RAD51B: variants seen among roughly 807,000 people sequenced by gnomAD.
RAD51B encodes the protein DNA repair protein RAD51 homolog 2.
A neutral mutation model predicts 42.2 loss-of-function variants in RAD51B; 38 were observed. The observed-to-expected ratio is 0.90, with a 90% CI of 0.70 to 1.18. The LOEUF (loss-of-function observed/expected upper bound fraction) is 1.18. RAD51B is among the 50% of genes most tolerant of loss of function. The pLI, the probability that RAD51B is intolerant of heterozygous loss-of-function variation, is 0.00. For synonymous variants in RAD51B, 154 were observed against 145.2 expected (o/e 1.06, Z -0.43); for missense variants, 373 against 400.7 (o/e 0.93, Z 0.59).
At chr14:68,289,814 T>C (rs897321616) in intron 7 of RAD51B, among the ~76,000 whole-genome samples, 5 of 152,172 alleles carry the variant, frequency 3.3e-5, no homozygotes, top group African/African-American at 7.2e-5. Flanking sequence ...GCCACTTTAA[T>C]TGAAGACATA....
In RAD51B at chr14:68,430,656, G is replaced by A. The variant is rs922434049; in HGVS notation, c.957+19129G>A. On this transcript the variant is annotated intron_variant, in intron 9 of 10. Coordinates refer to ENST00000471583, the MANE Select transcript of RAD51B (RefSeq NM_133510.4). ...GCTTAAGGAGATTTTAGGCTGAGAC[G>A]ATGGGGTTTTCTACATATACAATCA... Among the ~76,000 whole-genome samples, 33 of 152,292 alleles carry A rather than the reference G, an allele frequency of 2.2e-4. 1 individual carries two copies. Among genetic ancestry groups the A allele is most frequent in the Admixed American group, 1.7e-3 (26 of 15,302 alleles).
intron 7 of RAD51B, among the ~76,000 whole-genome samples, chr14:68,005,125 C>T (rs2140318947): frequency 1.4e-5 from 2 of 142,422 alleles, no homozygotes; most frequent in East Asian, 4.2e-4. Flanking sequence ...CAGATCTCAG[C>T]TCACTGCAAC....
intron 10 of RAD51B, among the ~76,000 whole-genome samples, chr14:68,635,709 C>T: frequency 6.6e-6 from 1 of 152,164 alleles, no homozygotes; most frequent in South Asian, 2.1e-4. Context: ...TTCTGACTAG[C>T]CACATTTCAA....
At chr14:68,166,280 T>G (rs2078749522) in intron 7 of RAD51B, among the ~76,000 whole-genome samples, 1 of 151,526 alleles carries the variant, frequency 6.6e-6, no homozygotes, top group Non-Finnish European at 1.5e-5. Context: ...AAAGTTCTCA[T>G]AGTCCGAAGC....
At chr14:67,858,734 C>T (rs765985713) in intron 4 of RAD51B, among the ~76,000 whole-genome samples, 95 of 152,174 alleles carry the variant, frequency 6.2e-4, no homozygotes, top group Non-Finnish European at 9.7e-4. Context: ...GAACTGTATC[C>T]GGCTTGGAGG....
At chr14:68,193,544 A>C (rs895624042) in intron 7 of RAD51B, among the ~76,000 whole-genome samples, 1 of 152,206 alleles carries the variant, frequency 6.6e-6, no homozygotes, top group African/African-American at 2.4e-5. Flanking sequence ...AGAGGGCTAA[A>C]GGGATGCAAA....
At chr14:68,220,240 G>A (rs997783570) in intron 7 of RAD51B, among the ~76,000 whole-genome samples, 5 of 152,196 alleles carry the variant, frequency 3.3e-5, no homozygotes, top group African/African-American at 1.2e-4. Flanking sequence ...AGAGAAATCT[G>A]AAAGTTTAGA....
At chr14:68,087,843 A>T (rs996637372) in intron 7 of RAD51B, among the ~76,000 whole-genome samples, 30 of 132,500 alleles carry the variant, frequency 2.3e-4, no homozygotes, top group African/African-American at 3.2e-4. Flanking sequence ...TTAATTATAT[A>T]ATTATTATAT....
At chr14:68,516,065 G>A (rs1480193508) in intron 10 of RAD51B, among the ~76,000 whole-genome samples, 5 of 152,200 alleles carry the variant, frequency 3.3e-5, no homozygotes, top group African/African-American at 9.6e-5. Context: ...GATTACGGGC[G>A]TGAGCCACCA....
At chr14:68,567,542 G>A (rs1391799711) in intron 10 of RAD51B, among the ~76,000 whole-genome samples, 1 of 152,096 alleles carries the variant, frequency 6.6e-6, no homozygotes, top group Admixed American at 6.5e-5. Context: ...TATATTCTAT[G>A]GGTTTGTTAC....
intron 7 of RAD51B, among the ~76,000 whole-genome samples, chr14:68,139,069 A>T (rs1023087771): frequency 5.3e-5 from 8 of 152,172 alleles, no homozygotes; most frequent in African/African-American, 1.9e-4. Flanking sequence ...TTTATTTTTA[A>T]AAATCACTTG....
chr14:68,578,590 G>A (rs1037357065), intron 10 of RAD51B, among the ~76,000 whole-genome samples: 2 of 152,158 alleles, frequency 1.3e-5, no homozygotes, highest in Admixed American at 6.5e-5. Flanking sequence ...CCCAGGTCCT[G>A]AATGTCTTTG....
chr14:68,301,771 G>T, intron 8 of RAD51B, among the ~76,000 whole-genome samples: 1 of 151,900 alleles, frequency 6.6e-6, no homozygotes, highest in East Asian at 1.9e-4. Context: ...TAATTTTTTT[G>T]TATTTTTAGT....
At chr14:68,425,371 T>C (rs147878638) in intron 9 of RAD51B, among the ~76,000 whole-genome samples, 5 of 152,334 alleles carry the variant, frequency 3.3e-5, no homozygotes, top group African/African-American at 1.2e-4. Context: ...TATTAAAAGG[T>C]AGGACCTGTA....
At chr14:68,594,570 A>G (rs191296538) in exon 11 of RAD51B, 134 of 1,313,248 alleles carry the variant, frequency 1.0e-4, no homozygotes, top group South Asian at 1.7e-4. Flanking sequence ...AGCTAGGACT[A>G]CAGATGTGCC....
intron 7 of RAD51B, among the ~76,000 whole-genome samples, chr14:68,278,968 T>A (rs1033804628): frequency 2.0e-5 from 3 of 152,158 alleles, no homozygotes; most frequent in Non-Finnish European, 1.5e-5. Context: ...CAAATGACCA[T>A]TTCATGAGGT....
chr14:67,870,421 C>T (rs933241803), intron 5 of RAD51B, among the ~76,000 whole-genome samples: 2 of 148,762 alleles, frequency 1.3e-5, no homozygotes, highest in African/African-American at 2.5e-5. Flanking sequence ...TACAGGAGCA[C>T]CCAGATTCAT....
intron 8 of RAD51B, among the ~76,000 whole-genome samples, chr14:68,401,186 A>G (rs1481727620): frequency 6.6e-6 from 1 of 152,194 alleles, no homozygotes; most frequent in Non-Finnish European, 1.5e-5. Context: ...CAGTTCCTAC[A>G]TAGTATCTCT....
At position 68,653,691 on chromosome 14, in the gene RAD51B, T is replaced by A. The variant is rs116073714; in HGVS notation, c.*11+2835T>A. 5.1e-3 allele frequency among the ~76,000 whole-genome samples: 773 copies of A among 152,318 alleles called. 2 individuals are homozygous for A. The highest frequency in any genetic ancestry group is 0.017 in the African/African-American group (713 of 41,560). ...CCCAATTTGAGAACCACTGGTCTGA[T>A]GAGATAGATAGATATGCAAATGATC... On this transcript the variant is annotated intron_variant, in intron 11 of 11. Transcript: ENST00000488612.
Sources: gnomAD v4.1 joint callset for allele counts (sites outside exome capture counted in the v4.1 genomes callset) on GRCh38, gnomAD v4.1.1 for gene constraint, MANE v1.5 for transcripts, NCBI Gene and HGNC (gene_info 2026-07-23, HGNC 2026-07-21) for gene names.